The following ZNF75D variants were observed in gnomAD, a reference collection of about 807,000 sequenced individuals.
The protein encoded by ZNF75D is zinc finger protein 75.
In ZNF75D, 33 loss-of-function variants were observed where a neutral mutation model predicts 33.3. The ratio of observed to expected loss-of-function variants is 0.99; its 90% confidence interval spans 0.75 to 1.32. The LOEUF (loss-of-function observed/expected upper bound fraction) is 1.32, where lower values mean the gene tolerates loss of function less well. ZNF75D is among the 40% of genes most tolerant of loss of function. ZNF75D has a pLI of 0.00. For synonymous variants in ZNF75D, 113 were observed against 130.6 expected, an observed-to-expected ratio of 0.87 and a Z score of 0.92; for missense variants, 338 against 367.5, an observed-to-expected ratio of 0.92 and a Z score of 0.66.
chrX:135,259,025 T>C (rs932718979), intron 1 of ZNF75D, among the ~76,000 whole-genome samples: 2 of 112,301 alleles, frequency 1.8e-5, no homozygotes, highest in Admixed American at 1.9e-4. Context: ...CTAGCCAGTT[T>C]TCCCAGCACC....
intron 1 of ZNF75D, among the ~76,000 whole-genome samples, chrX:135,258,386 G>T (rs1319046596): frequency 9.0e-6 from 1 of 110,635 alleles, no homozygotes; most frequent in East Asian, 2.8e-4. Context: ...CTCCCACAAT[G>T]GTTGAACCAA....
chrX:135,258,303 A>G (rs2083818635), intron 1 of ZNF75D, among the ~76,000 whole-genome samples: 1 of 110,452 alleles, frequency 9.1e-6, no homozygotes, highest in South Asian at 3.8e-4. Flanking sequence ...TCCTTTGGGT[A>G]TATACCCAGT....
At chrX:135,322,864 CTATTT>C (rs2084514275) in intron 1 of ZNF75D, among the ~76,000 whole-genome samples, 1 of 112,048 alleles carries the variant, frequency 8.9e-6, no homozygotes, top group African/African-American at 3.2e-5. Flanking sequence ...TGTGTATCTT[CTATTT>C]TATGTTTGAT....
chrX:135,326,731 C>T (rs1414858023), intron 1 of ZNF75D, among the ~76,000 whole-genome samples: 2 of 111,241 alleles, frequency 1.8e-5, no homozygotes, highest in African/African-American at 6.6e-5. Flanking sequence ...ACCATGAGCC[C>T]ACCGGGAGGA....
Position 135,343,501 on chromosome X carries a change from G to A in ZNF75D, c.-2124C>T, listed in dbSNP as rs1172429226. On this transcript the variant is annotated 5_prime_UTR_variant, in exon 1 of 7. Coordinates refer to ENST00000370766, the MANE Select transcript of ZNF75D (RefSeq NM_007131.5). ...GCGAAACACCCATGGCGAAACTGCT[G>A]GTGTCCCGGGCACCAGCAGCCTCTT... is the stretch of plus-strand genomic sequence containing the variant. 8.7e-6 allele frequency: 1 copy of A among 114,794 alleles called. No homozygotes were observed. The highest frequency in any genetic ancestry group is 1.8e-5 in the Non-Finnish European group (1 of 54,778). 9.5% of individuals were successfully genotyped at this position (114,794 alleles called of 1,213,427 possible). A position where few individuals can be genotyped will look rare whatever the true frequency, so the allele number is the denominator to read the frequency against.
In ZNF75D at chrX:135,342,017, G is replaced by A. The variant is rs1231742912; in HGVS notation, c.-640C>T. On this transcript the variant is annotated 5_prime_UTR_variant, in exon 1 of 7. Transcript: ENST00000370766. ...CTGGTAAGACCAGGAATACACCTTC[G>A]CCATCCTACCTCAGGCGTATTGTAT... The A allele has an allele frequency of 7.1e-5, 8 of 112,045 alleles. No homozygotes were observed. Among genetic ancestry groups the A allele is most frequent in the Non-Finnish European group, 1.3e-4 (7 of 53,202 alleles). The allele number at this position is 112,045 out of a possible 1,213,427, so 9.2% of individuals were successfully genotyped here.
At chrX:135,272,883 C>A (rs1239586975) in intron 1 of ZNF75D, among the ~76,000 whole-genome samples, 4 of 111,744 alleles carry the variant, frequency 3.6e-5, no homozygotes, top group Non-Finnish European at 7.5e-5. Context: ...CAATGGGAAC[C>A]TCTAGAAGGT....
At chrX:135,306,622 C>G (rs1312311684) in intron 1 of ZNF75D, among the ~76,000 whole-genome samples, 1 of 111,872 alleles carries the variant, frequency 8.9e-6, no homozygotes, top group Non-Finnish European at 1.9e-5. Context: ...TGGGATTGCA[C>G]TGGATTTACT....
chrX:135,272,412 A>G (rs1478617314), intron 1 of ZNF75D, among the ~76,000 whole-genome samples: 1 of 108,108 alleles, frequency 9.3e-6, no homozygotes, highest in Non-Finnish European at 1.9e-5. Context: ...TTTAGCTTTC[A>G]TAATTTCAAC....
intron 1 of ZNF75D, among the ~76,000 whole-genome samples, chrX:135,259,091 G>T (rs897382413): frequency 2.7e-5 from 3 of 111,770 alleles, no homozygotes; most frequent in Non-Finnish European, 5.6e-5. Context: ...GTTTGTCAAA[G>T]ATCAGATGGT....
At chrX:135,321,563 G>A (rs1313252373) in intron 1 of ZNF75D, among the ~76,000 whole-genome samples, 3 of 111,581 alleles carry the variant, frequency 2.7e-5, no homozygotes, top group African/African-American at 9.8e-5. Flanking sequence ...TGTTACAGAA[G>A]AGTAGGCAGA....
intron 1 of ZNF75D, among the ~76,000 whole-genome samples, chrX:135,328,605 G>A (rs1391203609): frequency 4.5e-5 from 5 of 111,707 alleles, no homozygotes; most frequent in Non-Finnish European, 9.4e-5. Flanking sequence ...AGTAATGTTC[G>A]TATTGCTGGT....
chrX:135,253,463 T>C (rs1283531467), intron 2 of ZNF75D: 1 of 291,582 alleles, frequency 3.4e-6, no homozygotes, highest in East Asian at 4.8e-5. Flanking sequence ...ATAAAGCAAC[T>C]CTAGGGTGGA....
At chrX:135,306,949 G>C (rs1490884585) in intron 1 of ZNF75D, among the ~76,000 whole-genome samples, 4 of 111,168 alleles carry the variant, frequency 3.6e-5, no homozygotes, top group Non-Finnish European at 7.5e-5. Context: ...CTGGGCTCAA[G>C]CGATCCACCC....
rs782389656 is a variant in ZNF75D, at chrX:135,286,510, C to T, written c.*627G>A. The stretch of plus-strand genomic sequence containing the variant: ...AGGCCTGTCCTTACATTCAGACCTT[C>T]CCTTGCTACTTGTAATTCCTTGACA... On this transcript the variant is annotated 3_prime_UTR_variant, in exon 7 of 7. Coordinates refer to ENST00000370766, the MANE Select transcript of ZNF75D (RefSeq NM_007131.5). 27 of 112,186 alleles carry T rather than the reference C, an allele frequency of 2.4e-4. No individual in the cohort carries two copies. The highest frequency in any genetic ancestry group is 8.7e-4 in the African/African-American group (27 of 30,866). 9.2% of individuals were successfully genotyped at this position (112,186 alleles called of 1,213,427 possible).
intron 2 of ZNF75D, among the ~76,000 whole-genome samples, chrX:135,295,567 C>T (rs1556422665): frequency 8.9e-6 from 1 of 112,063 alleles, no homozygotes; most frequent in East Asian, 2.8e-4. Context: ...GGCGGCCTCG[C>T]TGTGGACAAC....
At chrX:135,338,530 A>G (rs1303540669) in intron 1 of ZNF75D, among the ~76,000 whole-genome samples, 2 of 112,268 alleles carry the variant, frequency 1.8e-5, no homozygotes, top group Non-Finnish European at 3.8e-5. Context: ...GAAATTTCCT[A>G]ATGTACATGT....
chrX:135,341,528 C>T (rs1268549168), intron 1 of ZNF75D, among the ~76,000 whole-genome samples: 2 of 111,715 alleles, frequency 1.8e-5, no homozygotes, highest in African/African-American at 6.5e-5. Flanking sequence ...GGTTATTTCC[C>T]CAGTTCCAGA....
chrX:135,306,944 C>G (rs782586596), intron 1 of ZNF75D, among the ~76,000 whole-genome samples: 1 of 111,250 alleles, frequency 9.0e-6, no homozygotes, highest in Non-Finnish European at 1.9e-5. Context: ...AACTCCTGGG[C>G]TCAAGCGATC....
Sources: gnomAD v4.1 joint callset for allele counts (sites outside exome capture counted in the v4.1 genomes callset) on GRCh38, gnomAD v4.1.1 for gene constraint, MANE v1.5 for transcripts, NCBI Gene and HGNC (gene_info 2026-07-23, HGNC 2026-07-21) for gene names.